KAZN: variants seen among roughly 807,000 people sequenced by gnomAD.
KAZN encodes kazrin.
In KAZN, 40 loss-of-function variants were observed where a neutral mutation model predicts 87.4. That is an observed-to-expected ratio of 0.46 (90% confidence interval 0.36 to 0.60). KAZN has a LOEUF of 0.60. Ranked by LOEUF, KAZN falls within the 20% of genes least tolerant of loss-of-function variation. The pLI, the probability that KAZN is intolerant of heterozygous loss-of-function variation, is 0.00. For missense variants in KAZN, 898 were observed against 1,073.9 expected (o/e 0.84, Z 2.29); for synonymous variants, 466 against 458.3 (o/e 1.02, Z -0.22).
chr1:14,193,155 C>T (rs112100797), intron 2 of KAZN, among the ~76,000 whole-genome samples: 2,648 of 152,228 alleles, frequency 0.017, 81 homozygotes, highest in African/African-American at 0.06. Flanking sequence ...GCCTTGCTTC[C>T]GCTTCACCTT....
chr1:14,732,374 C>T (rs559936537), intron 1 of KAZN, among the ~76,000 whole-genome samples: 11 of 152,330 alleles, frequency 7.2e-5, no homozygotes, highest in South Asian at 2.1e-4. Flanking sequence ...TGCAATGGCT[C>T]ATGCCTGTAA....
intron 2 of KAZN, among the ~76,000 whole-genome samples, chr1:14,273,017 TAGAG>T (rs1419162480): frequency 6.6e-6 from 1 of 152,006 alleles, no homozygotes; most frequent in African/African-American, 2.4e-5. Flanking sequence ...GATGGAAGCT[TAGAG>T]AGAGGAAACG....
intron 1 of KAZN, among the ~76,000 whole-genome samples, chr1:13,945,706 TGTGTGAGAGA>T (rs1641120091): frequency 1.4e-5 from 2 of 140,720 alleles, no homozygotes; most frequent in Non-Finnish European, 3.1e-5. Flanking sequence ...TGTGTGTGTG[TGTGTGAGAGA>T]GAGAGAGAGA....
At chr1:14,924,375 C>G in intron 1 of KAZN, 3 of 989,514 alleles carry the variant, frequency 3.0e-6, no homozygotes, top group Non-Finnish European at 3.6e-6. Flanking sequence ...ATGCGGGCGG[C>G]CGACTCGGGC....
intron 2 of KAZN, among the ~76,000 whole-genome samples, chr1:14,234,564 A>C (rs967183562): frequency 6.6e-6 from 1 of 151,420 alleles, no homozygotes; most frequent in Admixed American, 6.6e-5. Context: ...AATAATAATA[A>C]TAAAAGCACA....
chr1:13,963,000 T>C (rs72873317), intron 1 of KAZN, among the ~76,000 whole-genome samples: 1,722 of 152,202 alleles, frequency 0.011, 39 homozygotes, highest in African/African-American at 0.039. Flanking sequence ...TTGGAGAAGC[T>C]AAAGAGACAA....
At chr1:14,558,312 T>G (rs900155248) in intron 2 of KAZN, among the ~76,000 whole-genome samples, 1 of 152,196 alleles carries the variant, frequency 6.6e-6, no homozygotes, top group South Asian at 2.1e-4. Context: ...ATGGACCAGC[T>G]GGGCTCAGCT....
intron 2 of KAZN, among the ~76,000 whole-genome samples, chr1:14,977,085 A>C (rs1557678938): frequency 6.6e-6 from 1 of 152,078 alleles, no homozygotes; most frequent in African/African-American, 2.4e-5. Flanking sequence ...AACAAACAAA[A>C]AACTGGGCTC....
intron 1 of KAZN, among the ~76,000 whole-genome samples, chr1:13,975,279 G>A (rs550790714): frequency 2.0e-5 from 3 of 152,324 alleles, no homozygotes; most frequent in South Asian, 2.1e-4. Context: ...CTTTGATTGT[G>A]AGGCACTTCA....
chr1:13,997,839 G>A (rs1639599101), intron 1 of KAZN, among the ~76,000 whole-genome samples: 2 of 152,046 alleles, frequency 1.3e-5, no homozygotes, highest in South Asian at 4.2e-4. Context: ...AGCAAGACAG[G>A]CCAACATGCA....
At chr1:14,359,947 G>A (rs112651132) in intron 2 of KAZN, among the ~76,000 whole-genome samples, 2,384 of 152,232 alleles carry the variant, frequency 0.016, 26 homozygotes, top group Non-Finnish European at 0.023. Context: ...TATCTTTGTG[G>A]TGGTATCTGT....
chr1:14,673,352 G>C (rs1340668558), intron 1 of KAZN, among the ~76,000 whole-genome samples: 1 of 152,232 alleles, frequency 6.6e-6, no homozygotes, highest in African/African-American at 2.4e-5. Context: ...TGGACACCCA[G>C]GTGGTGGTTT....
chr1:15,016,479 T>TTTCA (rs1434744597), intron 2 of KAZN, among the ~76,000 whole-genome samples: 1 of 151,488 alleles, frequency 6.6e-6, no homozygotes, highest in Non-Finnish European at 1.5e-5. Context: ...ACAGACAGAG[T>TTTCA]TTCACCATGT....
chr1:14,638,383 G>A (rs919885443), intron 1 of KAZN, among the ~76,000 whole-genome samples: 4 of 151,922 alleles, frequency 2.6e-5, no homozygotes, highest in Non-Finnish European at 5.9e-5. Context: ...AGTCTGGCCA[G>A]CATGGTGAAA....
chr1:14,464,224 T>TAGC (rs1667997517), intron 2 of KAZN, among the ~76,000 whole-genome samples: 1 of 152,238 alleles, frequency 6.6e-6, no homozygotes, highest in Non-Finnish European at 1.5e-5. Flanking sequence ...AAACTAGTAG[T>TAGC]AGCTGGGGAG....
At chr1:13,910,819 C>T (rs1000235485) in intron 1 of KAZN, among the ~76,000 whole-genome samples, 7 of 152,052 alleles carry the variant, frequency 4.6e-5, no homozygotes, top group Middle Eastern at 3.4e-3. Context: ...TAGGTGTGTT[C>T]GGCTGTTCTT....
intron 2 of KAZN, among the ~76,000 whole-genome samples, chr1:14,269,946 C>G (rs568239699): frequency 6.6e-6 from 1 of 152,054 alleles, no homozygotes; most frequent in Non-Finnish European, 1.5e-5. Flanking sequence ...CCAGGTAGTT[C>G]CTAAAGAAAA....
At chr1:14,989,725 T>G (rs977007064) in intron 2 of KAZN, among the ~76,000 whole-genome samples, 1 of 152,184 alleles carries the variant, frequency 6.6e-6, no homozygotes, top group Admixed American at 6.5e-5. Context: ...ATGTGTGAAG[T>G]GCTCGGGATG....
At position 14,785,024 on chromosome 1, in the gene KAZN, G is replaced by A. The variant is rs187666827; in HGVS notation, c.227-175660G>A. Among the ~76,000 whole-genome samples the A allele has an allele frequency of 3.4e-3, 501 of 149,312 alleles. 3 individuals are homozygous for A. Among genetic ancestry groups the A allele is most frequent in the African/African-American group, 0.012 (468 of 40,336 alleles). ...TGAGATAATGCCTCGGGGGTACTTT[G>A]AGAGATTAAGATGTAAGCACGGGGG... On this transcript the variant is annotated intron_variant, in intron 1 of 14. Coordinates refer to ENST00000376030, the MANE Select transcript of KAZN (RefSeq NM_201628.3).
Sources: allele counts gnomAD v4.1 joint callset (sites outside exome capture counted in the v4.1 genomes callset), GRCh38; gene constraint gnomAD v4.1.1; transcripts MANE v1.5; gene names NCBI Gene and HGNC (gene_info 2026-07-23, HGNC 2026-07-21).